LCN8: variants seen among roughly 807,000 people sequenced by gnomAD.
The protein encoded by LCN8 is lipocalin 8.
A neutral mutation model predicts 22.8 loss-of-function variants in LCN8; 16 were observed. The ratio of observed to expected loss-of-function variants is 0.70; its 90% CI spans 0.47 to 1.06. The LOEUF (loss-of-function observed/expected upper bound fraction) is 1.06. LCN8 is among the 50% of genes least tolerant of loss of function. LCN8 has a pLI of 0.00. For synonymous variants in LCN8, 92 were observed against 83.4 expected (o/e 1.10, Z -0.56); for missense variants, 189 against 203.3 (o/e 0.93, Z 0.43).
intron 3 of LCN8, chr9:136,756,291 T>C (rs1308651829): frequency 2.8e-6 from 4 of 1,447,676 alleles, no homozygotes; most frequent in African/African-American, 3.4e-5. Flanking sequence ...GCATGGGGAA[T>C]AGTGCAGGAA....
chr9:136,755,207 C>A (rs568096316), intron 5 of LCN8, 37 bp downstream of exon 5: 1 of 1,609,402 alleles, frequency 6.2e-7, no homozygotes, highest in African/African-American at 1.3e-5. Flanking sequence ...GCCCACAGGG[C>A]CCAGCCCAGC....
In LCN8 at chr9:136,754,584, C is replaced by T. The variant is rs1233272688; in HGVS notation, c.448-75G>A. 24 of 1,520,492 alleles carry T rather than the reference C, an allele frequency of 1.6e-5. No individual in the cohort carries two copies. The East Asian group carries it at 2.7e-4, about 17-fold the overall frequency. The allele number at this position is 1,520,492 out of a possible 1,614,324, so 94.2% of individuals were successfully genotyped here. A position where few individuals can be genotyped will look rare whatever the true frequency, so the allele number is the denominator to read the frequency against. Reference sequence around the variant, plus strand: ...CCACGGGGCTTCGATGAGGGCCACACGGCGGGACTTCTGTCCTCGCTGCCT... The same window carrying T: ...CCACGGGGCTTCGATGAGGGCCACATGGCGGGACTTCTGTCCTCGCTGCCT... On this transcript the variant is annotated intron_variant, in intron 6 of 6. Coordinates refer to ENST00000371688, the MANE Select transcript of LCN8 (RefSeq NM_178469.4).
upstream of LCN8, chr9:136,758,482 G>A: frequency 3.0e-6 from 3 of 992,058 alleles, no homozygotes; most frequent in Non-Finnish European, 3.6e-6. Context: ...GGAGGCCGGA[G>A]GCACAGCGCC....
chr9:136,756,465 G>A (rs772647747), intron 3 of LCN8, 57 bp downstream of exon 3: 3 of 1,613,754 alleles, frequency 1.9e-6, no homozygotes, highest in African/African-American at 1.3e-5. Flanking sequence ...GGAACAATAA[G>A]GCCTAGCTGT....
At chr9:136,757,595 C>T (rs575828124) in intron 1 of LCN8, 40 of 1,399,590 alleles carry the variant, frequency 2.9e-5, no homozygotes, top group South Asian at 2.2e-4. Flanking sequence ...CTGCCAACCA[C>T]GCCAGAGGAT....
At chr9:136,754,972 T>A (rs1847148163) in intron 6 of LCN8, 163 bp downstream of exon 6, 1 of 1,408,058 alleles carries the variant, frequency 7.1e-7, no homozygotes. Context: ...GACTCATCTC[T>A]GGAGCTGCCC....
intron 2 of LCN8, 137 bp from the exon 3 acceptor site, chr9:136,756,729 G>A (rs1847214680): frequency 2.2e-6 from 3 of 1,355,784 alleles, no homozygotes. Context: ...AGCAGGATGA[G>A]GCGGGGAATG....
At chr9:136,757,716 T>C (rs1488194218) in intron 1 of LCN8, 191 bp downstream of exon 1, 2 of 985,446 alleles carry the variant, frequency 2.0e-6, no homozygotes, top group African/African-American at 1.7e-5. Context: ...CTACCTTCTC[T>C]GGGCCTGCTA....
rs1847250546 is a variant in LCN8, at chr9:136,757,993, C to T, written c.-63G>A. 1 of 1,602,640 alleles carries T rather than the reference C, an allele frequency of 6.2e-7. No homozygotes were observed. The highest frequency in any genetic ancestry group is 1.3e-5 in the African/African-American group (1 of 74,650). On this transcript the variant is annotated 5_prime_UTR_variant, in exon 1 of 7. Transcript: ENST00000371688. ...CCCAGGATGGTGCACGGCAGCCTGG[C>T]CTCCGTGGCGGGGTCCGGGCTCCGG...
intron 2 of LCN8, 108 bp downstream of exon 2, chr9:136,756,930 G>T: frequency 7.6e-7 from 1 of 1,314,526 alleles, no homozygotes; most frequent in Non-Finnish European, 1.0e-6. Flanking sequence ...TGGCCCACCA[G>T]CGGGACGGCA....
Position 136,755,402 on chromosome 9 carries a change from C to T in LCN8, c.331+10G>A, listed in dbSNP as rs751221299. ...AGCAGCTGGGCAGAGCCCCCCAGGG[C>T]CAAGCTTACTAAAGTACTTGAGGAC... On this transcript the variant is annotated intron_variant, in intron 4 of 6. Transcript: ENST00000371688. 1.9e-6 allele frequency: 3 copies of T among 1,611,428 alleles called. No homozygotes were observed. The highest frequency in any genetic ancestry group is 3.3e-5 in the Admixed American group (2 of 60,014).
chr9:136,756,339 C>A, intron 3 of LCN8, 183 bp downstream of exon 3: 2 of 1,551,264 alleles, frequency 1.3e-6, no homozygotes, highest in South Asian at 2.3e-5. Flanking sequence ...GTGCAGGGAA[C>A]AACATGGGGA....
chr9:136,758,423 G>A (rs143636255), upstream of LCN8: 14 of 996,290 alleles, frequency 1.4e-5, no homozygotes, highest in African/African-American at 6.9e-5. Context: ...GCCACCCCAC[G>A]CCTGGCCCTT....
intron 1 of LCN8, chr9:136,757,685 A>G: frequency 6.9e-7 from 1 of 1,439,748 alleles, no homozygotes; most frequent in Non-Finnish European, 9.1e-7. Context: ...TTCGGGAGGA[A>G]AGAATCTTCG....
chr9:136,758,188 G>A lies in LCN8; in HGVS notation c.-258C>T. ...CACGCCCACCGCAGGGGTTAGCCTG[G>A]CCTAGACAGCAGCCTGCCCAGCCAC... On this transcript the variant is annotated 5_prime_UTR_variant, in exon 1 of 7. Transcript: ENST00000371688. 1 of 1,397,636 alleles carries A rather than the reference G, an allele frequency of 7.2e-7. No individual in the cohort carries two copies. Among genetic ancestry groups the A allele is most frequent in the Non-Finnish European group, 9.3e-7 (1 of 1,075,884 alleles). 86.6% of individuals were successfully genotyped at this position (1,397,636 alleles called of 1,614,324 possible).
rs899750525 is a variant in LCN8 at position 136,756,757 on chromosome 9, C to T, written c.156-165G>A. Among the ~76,000 whole-genome samples the T allele has an allele frequency of 2.6e-5, 4 of 152,340 alleles. No homozygotes were observed. The South Asian group carries it at 8.3e-4, about 32-fold the overall frequency. On this transcript the variant is annotated intron_variant, in intron 2 of 6. Coordinates refer to ENST00000371688, the MANE Select transcript of LCN8 (RefSeq NM_178469.4). ...GGGGAATGTGCCAGGTGGGGCCTTC[C>T]CCTGGGGATTCTGTTCCCTCCAGCC...
At chr9:136,754,779 C>T (rs554978241) in intron 6 of LCN8, 24,572 of 1,368,638 alleles carry the variant, frequency 0.018, 262 homozygotes, top group Non-Finnish European at 0.022. Flanking sequence ...GCCCCGCCGC[C>T]GACGGGACCT....
Sources: allele counts gnomAD v4.1 joint callset (sites outside exome capture counted in the v4.1 genomes callset), GRCh38; gene constraint gnomAD v4.1.1; transcripts MANE v1.5; gene names NCBI Gene and HGNC (gene_info 2026-07-23, HGNC 2026-07-21).